MORC1: variants seen among roughly 807,000 people sequenced by gnomAD.
MORC1 encodes MORC family CW-type zinc finger 1, also known as MORC family CW-type zinc finger protein 1.
MORC1 carries 59 observed loss-of-function variants against 134.9 expected under a neutral mutation model. The ratio of observed to expected loss-of-function variants is 0.44; its 90% CI spans 0.35 to 0.54. The LOEUF is 0.54. MORC1 is among the 20% of genes least tolerant of loss of function. The pLI is 0.00. For synonymous variants in MORC1, 395 were observed against 391.7 expected, an observed-to-expected ratio of 1.01 and a Z score of -0.10; for missense variants, 947 against 1,134.5, an observed-to-expected ratio of 0.83 and a Z score of 2.37.
intron 14 of MORC1, among the ~76,000 whole-genome samples, chr3:109,041,138 C>T (rs1949536534): frequency 1.3e-5 from 2 of 150,756 alleles, no homozygotes; most frequent in South Asian, 2.1e-4. Context: ...GGTGAAACCC[C>T]GTCTCTACTA....
chr3:109,041,296 CAA>C (rs998550861), intron 14 of MORC1, among the ~76,000 whole-genome samples: 1 of 149,828 alleles, frequency 6.7e-6, no homozygotes, highest in Admixed American at 6.7e-5. Context: ...GGGCGACAGA[CAA>C]AGACTCCATC....
At chr3:109,044,012 G>A (rs1949623334) in intron 14 of MORC1, among the ~76,000 whole-genome samples, 1 of 152,130 alleles carries the variant, frequency 6.6e-6, no homozygotes, top group African/African-American at 2.4e-5. Context: ...ATGGCTGAAA[G>A]CACACAGCTA....
intron 22 of MORC1, among the ~76,000 whole-genome samples, chr3:108,985,177 C>T (rs1408708843): frequency 1.3e-5 from 2 of 152,046 alleles, no homozygotes; most frequent in Non-Finnish European, 2.9e-5. Flanking sequence ...CTGACAGATC[C>T]CGATGAAAAA....
At chr3:109,026,198 G>T (rs79436878) in intron 17 of MORC1, among the ~76,000 whole-genome samples, 1 of 152,244 alleles carries the variant, frequency 6.6e-6, no homozygotes, top group East Asian at 1.9e-4. Context: ...TTCACAAAAA[G>T]ATTTTGTAAA....
Position 109,074,128 on chromosome 3 carries a change from T to C in MORC1, c.690-4371A>G, listed in dbSNP as rs541855522. On this transcript the variant is annotated intron_variant, in intron 8 of 27. Transcript: ENST00000232603. ...CAACGTGGCACCTAATTTTAAAACA[T>C]TACTTAGCACAAAATTTCAACTGCA... Among the ~76,000 whole-genome samples the C allele has an allele frequency of 1.3e-3, 199 of 152,276 alleles. 1 individual carries two copies. In the Middle Eastern group the frequency reaches 0.014, roughly 10 times the overall value.
chr3:108,995,775 C>T (rs999138781), intron 21 of MORC1, among the ~76,000 whole-genome samples: 23 of 152,114 alleles, frequency 1.5e-4, no homozygotes, highest in Admixed American at 3.9e-4. Flanking sequence ...CTGGGCAAGG[C>T]ATGGATGATG....
chr3:109,028,241 C>CA (rs1395921370), intron 16 of MORC1, among the ~76,000 whole-genome samples: 1 of 146,940 alleles, frequency 6.8e-6, no homozygotes, highest in Non-Finnish European at 1.5e-5. Flanking sequence ...ATTTCCCCCC[C>CA]CAAAAAAGGT....
intron 14 of MORC1, among the ~76,000 whole-genome samples, chr3:109,036,222 T>C (rs1949376671): frequency 6.6e-6 from 1 of 152,142 alleles, no homozygotes; most frequent in African/African-American, 2.4e-5. Context: ...ACGGAGGAAG[T>C]AGAGCTAAAT....
chr3:109,008,423 A>ATACTCTATT (rs1490423813), intron 17 of MORC1, among the ~76,000 whole-genome samples: 1 of 147,632 alleles, frequency 6.8e-6, no homozygotes, highest in East Asian at 1.9e-4. Context: ...ACATACTTAC[A>ATACTCTATT]TACTCTATTT....
At chr3:109,055,142 T>C (rs1383382597) in intron 13 of MORC1, among the ~76,000 whole-genome samples, 1 of 152,190 alleles carries the variant, frequency 6.6e-6, no homozygotes, top group Non-Finnish European at 1.5e-5. Flanking sequence ...TCTATCGCCT[T>C]ACGTGGAGAG....
At chr3:109,032,639 G>T (rs1012347676) in intron 16 of MORC1, 81 bp downstream of exon 16, 3 of 956,982 alleles carry the variant, frequency 3.1e-6, no homozygotes, top group African/African-American at 3.4e-5. Context: ...CTATATTATA[G>T]ATTGACATTT....
rs1418879345 is a variant in MORC1 at position 109,054,941 on chromosome 3, A to G, written c.1176-59T>C. 4.2e-6 allele frequency: 6 copies of G among 1,428,168 alleles called. No homozygotes were observed. In the Admixed American group the frequency reaches 1.3e-4, roughly 32 times the overall value. 88.5% of individuals were successfully genotyped at this position (1,428,168 alleles called of 1,614,324 possible). On this transcript the variant is annotated intron_variant, in intron 13 of 27. Transcript: ENST00000232603. ...ATTTGGCTAAAGAAAAAAATCAAAT[A>G]TATTCTGGTCATTTGAAATCATTTT...
At position 109,055,264 on chromosome 3, in the gene MORC1, C is replaced by T. The variant is rs548101658; in HGVS notation, c.1176-382G>A. Among the ~76,000 whole-genome samples the T allele has an allele frequency of 1.8e-4, 28 of 152,290 alleles. No homozygotes were observed. In the South Asian group the frequency reaches 2.1e-3, roughly 11 times the overall value. On this transcript the variant is annotated intron_variant, in intron 13 of 27. Coordinates refer to ENST00000232603, the MANE Select transcript of MORC1 (RefSeq NM_014429.4). ...TGGCCAGAGAACCCCTTTCTTTCTCCGCATTTCATCTAACAGATTGGATTT... is the reference window on the plus strand; with the variant it reads ...TGGCCAGAGAACCCCTTTCTTTCTCTGCATTTCATCTAACAGATTGGATTT...
intron 17 of MORC1, among the ~76,000 whole-genome samples, chr3:109,007,941 A>ATGCGTGTGTGTG (rs1948585081): frequency 6.7e-6 from 1 of 149,512 alleles, no homozygotes; most frequent in Non-Finnish European, 1.5e-5. Flanking sequence ...GCACATATAT[A>ATGCGTGTGTGTG]TGTGTGTGTG....
chr3:108,962,691 T>C (rs1165272175), intron 27 of MORC1, among the ~76,000 whole-genome samples: 3 of 152,218 alleles, frequency 2.0e-5, no homozygotes, highest in Admixed American at 1.3e-4. Flanking sequence ...AGGAAGACTT[T>C]CAATCCTGAC....
At chr3:109,075,010 T>C (rs1950390894) in intron 8 of MORC1, among the ~76,000 whole-genome samples, 1 of 152,198 alleles carries the variant, frequency 6.6e-6, no homozygotes, top group South Asian at 2.1e-4. Flanking sequence ...CGATGGCATA[T>C]CAACCTAGAG....
At chr3:109,113,776 AG>A (rs141937088) in intron 2 of MORC1, among the ~76,000 whole-genome samples, 30,161 of 152,140 alleles carry the variant, frequency 0.2, 3,432 homozygotes, top group Middle Eastern at 0.33. Flanking sequence ...TATTAGAGAC[AG>A]TAAAATACGA....
chr3:109,077,592 T>C (rs980714278), intron 8 of MORC1, among the ~76,000 whole-genome samples: 10 of 151,722 alleles, frequency 6.6e-5, no homozygotes, highest in African/African-American at 2.2e-4. Flanking sequence ...TTGCAAATCA[T>C]TAGAATAGAA....
chr3:109,109,153 T>C (rs1203469867), intron 3 of MORC1, among the ~76,000 whole-genome samples: 1 of 152,114 alleles, frequency 6.6e-6, no homozygotes, highest in African/African-American at 2.4e-5. Flanking sequence ...AAAGAAACCC[T>C]CTTAGACCAC....
Sources: allele counts gnomAD v4.1 joint callset (sites outside exome capture counted in the v4.1 genomes callset), GRCh38; gene constraint gnomAD v4.1.1; transcripts MANE v1.5; gene names NCBI Gene and HGNC (gene_info 2026-07-23, HGNC 2026-07-21).